SGSM1: variants seen among roughly 807,000 people sequenced by gnomAD.
SGSM1 encodes RUN and TBC1 domain containing 2.
A neutral mutation model predicts 133.8 loss-of-function variants in SGSM1; 73 were observed. That is an observed-to-expected ratio of 0.55 (90% CI 0.45 to 0.66). The LOEUF (loss-of-function observed/expected upper bound fraction) is 0.66, where lower values mean the gene tolerates loss of function less well. Ranked by LOEUF, SGSM1 falls within the 30% of genes least tolerant of loss-of-function variation. SGSM1 has a pLI of 0.00. For missense variants in SGSM1, 1,213 were observed against 1,448.1 expected, an observed-to-expected ratio of 0.84 and a Z score of 2.64; for synonymous variants, 563 against 573.0, an observed-to-expected ratio of 0.98 and a Z score of 0.25.
At chr22:24,893,646 G>A in intron 17 of SGSM1, 33 bp downstream of exon 17, 3 of 1,521,986 alleles carry the variant, frequency 2.0e-6, no homozygotes, top group East Asian at 2.3e-5. Flanking sequence ...GAGCGCGGGG[G>A]CTGGGGAAGG....
intron 9 of SGSM1, among the ~76,000 whole-genome samples, chr22:24,860,523 G>T (rs11914270): frequency 6.6e-6 from 1 of 152,048 alleles, no homozygotes. Flanking sequence ...TTTCTACAAT[G>T]AAGAATTTTT....
In SGSM1 at chr22:24,857,661, C is replaced by G. The variant is rs556488868; in HGVS notation, c.801+1981C>G. 4.6e-5 allele frequency among the ~76,000 whole-genome samples: 7 copies of G among 152,314 alleles called. No individual in the cohort carries two copies. The East Asian group carries it at 1.3e-3, about 29-fold the overall frequency. Reference sequence around the variant, plus strand: ...GTTCAGAGTTCCATCTTCCGTATCACTTTTTGACTTAGAGTCATCAGTGCC... The same window carrying G: ...GTTCAGAGTTCCATCTTCCGTATCAGTTTTTGACTTAGAGTCATCAGTGCC... On this transcript the variant is annotated intron_variant, in intron 8 of 24. Transcript: ENST00000400358.
intron 21 of SGSM1, among the ~76,000 whole-genome samples, chr22:24,905,929 G>A (rs971933058): frequency 2.0e-5 from 3 of 151,950 alleles, no homozygotes; most frequent in Admixed American, 2.0e-4. Context: ...GTGTCTCATT[G>A]GCACCCAGAT....
rs774432748 is a variant in SGSM1, at chr22:24,919,937, G to A, written c.3137G>A (p.Arg1046His). ...GCGCTGGCTCTGGTGGAAGTCTACC[G>A]TGACATCATTTTGGAGAACAACATG... Reference protein sequence around the residue: ...FIALALVEVYRDIILENNMDF... With the variant: ...FIALALVEVYHDIILENNMDF... Residue 1046 changes from arginine (R) to histidine (H), a missense_variant, in exon 24 of 25, where the codon CGT (arginine) becomes CAT (histidine). Arg to His is a conservative substitution (Grantham distance 29, BLOSUM62 0). Transcript: ENST00000400358. 13 of 1,613,726 alleles carry A rather than the reference G, an allele frequency of 8.1e-6. No individual in the cohort carries two copies. In the South Asian group the frequency reaches 1.1e-4, roughly 14 times the overall value.
intron 8 of SGSM1, chr22:24,856,118 T>C (rs568403706): frequency 4.2e-5 from 15 of 357,974 alleles, no homozygotes; most frequent in South Asian, 3.1e-4. Flanking sequence ...CCCAGGCTTC[T>C]ATCCATCTGT....
At position 24,898,063 on chromosome 22, in the gene SGSM1, A is replaced by T; in HGVS notation, c.2114A>T (p.Asn705Ile). Residue 705 changes from asparagine (N) to isoleucine (I), a missense_variant, in exon 19 of 25, where the codon AAC (asparagine) becomes ATC (isoleucine). By Grantham distance (149) the Asn-to-Ile change is moderately radical. Coordinates refer to ENST00000400358, the MANE Select transcript of SGSM1 (RefSeq NM_001098497.3). ...AAGATCCCCAATGGGAACCTAGTGA[A>T]CGGCACTTGTTCCCCAGACTCGGGT... is the stretch of plus-strand genomic sequence containing the variant. The part of the protein sequence containing the change: ...QPKIPNGNLV[N>I]GTCSPDSGHP... 2 of 1,613,936 alleles carry T rather than the reference A, an allele frequency of 1.2e-6. No individual in the cohort carries two copies. The highest frequency in any genetic ancestry group is 1.7e-6 in the Non-Finnish European group (2 of 1,179,876).
chr22:24,849,728 T>TA (rs1381725392), intron 4 of SGSM1, among the ~76,000 whole-genome samples: 1 of 152,184 alleles, frequency 6.6e-6, no homozygotes, highest in Admixed American at 6.5e-5. Context: ...CGCTGAGACT[T>TA]ACAGAGTGAG....
At position 24,806,260 on chromosome 22, in the gene SGSM1, C is replaced by T. The variant is rs1927368006; in HGVS notation, c.-66C>T. The T allele has an allele frequency of 7.3e-6, 10 of 1,373,028 alleles. No homozygotes were observed. Among genetic ancestry groups the T allele is most frequent in the Non-Finnish European group, 9.3e-6 (10 of 1,069,658 alleles). 85.1% of individuals were successfully genotyped at this position (1,373,028 alleles called of 1,614,324 possible). ...CGCGGCTGCAGCAGCAGCGCCGCGG[C>T]CGGAGGAGCTACCGCCGCCACCGCC... On this transcript the variant is annotated 5_prime_UTR_variant, in exon 1 of 25. Coordinates refer to ENST00000400358, the MANE Select transcript of SGSM1 (RefSeq NM_001098497.3).
intron 19 of SGSM1, among the ~76,000 whole-genome samples, chr22:24,900,244 ACTGGC>A (rs1189906998): frequency 6.6e-6 from 1 of 151,912 alleles, no homozygotes; most frequent in African/African-American, 2.4e-5. Flanking sequence ...CTGGTCTTGA[ACTGGC>A]CTCAAGTGAT....
chr22:24,875,124 G>T (rs1489385094), intron 12 of SGSM1, among the ~76,000 whole-genome samples: 1 of 152,100 alleles, frequency 6.6e-6, no homozygotes, highest in Non-Finnish European at 1.5e-5. Context: ...AAGAGTCAGG[G>T]TATTACCAGT....
intron 13 of SGSM1, among the ~76,000 whole-genome samples, chr22:24,878,701 G>A (rs60902328): frequency 0.016 from 2,451 of 152,236 alleles, 63 homozygotes; most frequent in African/African-American, 0.055. Flanking sequence ...TCTTTCAGCC[G>A]AAAAAGTTCC....
chr22:24,899,591 C>T (rs1601971494), intron 19 of SGSM1, among the ~76,000 whole-genome samples: 1 of 149,182 alleles, frequency 6.7e-6, no homozygotes, highest in African/African-American at 2.5e-5. Flanking sequence ...GGCGTGATCT[C>T]GGCTCACTGC....
At chr22:24,852,305 ACG>A (rs1291074843) in intron 5 of SGSM1, among the ~76,000 whole-genome samples, 1 of 152,172 alleles carries the variant, frequency 6.6e-6, no homozygotes, top group Non-Finnish European at 1.5e-5. Flanking sequence ...GAAACTTTTA[ACG>A]CATGTGTAGT....
In SGSM1 at chr22:24,895,312, C is replaced by T. The variant is rs760275380; in HGVS notation, c.2022+21C>T. On this transcript the variant is annotated intron_variant, in intron 18 of 24. Coordinates refer to ENST00000400358, the MANE Select transcript of SGSM1 (RefSeq NM_001098497.3). ...CACAGGTGACCTTGTGGAGGCCTCG[C>T]CCCCTCCCACCCACTCCTCTCCCTT... 4.0e-5 allele frequency: 64 copies of T among 1,601,786 alleles called. 1 individual carries two copies. The South Asian group carries it at 6.9e-4, about 17-fold the overall frequency.
At chr22:24,892,884 T>TG (rs1555933749) in intron 16 of SGSM1, among the ~76,000 whole-genome samples, 3 of 118,708 alleles carry the variant, frequency 2.5e-5, no homozygotes, top group African/African-American at 9.3e-5. Flanking sequence ...CCGTCTCTAC[T>TG]AAAAAAAAAA....
At chr22:24,845,940 CT>C (rs1198206756) in intron 3 of SGSM1, among the ~76,000 whole-genome samples, 185 of 130,752 alleles carry the variant, frequency 1.4e-3, no homozygotes, top group African/African-American at 4.5e-3. Context: ...CTTTTCTTTT[CT>C]TTTCTTTCTT....
chr22:24,844,999 T>C (rs769586208), intron 3 of SGSM1, 27 bp downstream of exon 3: 4 of 1,609,740 alleles, frequency 2.5e-6, no homozygotes, highest in Non-Finnish European at 3.4e-6. Context: ...GGAAAGTGGC[T>C]TCTTTCTCTG....
chr22:24,913,711 T>G (rs550707725), intron 22 of SGSM1, among the ~76,000 whole-genome samples: 2 of 152,176 alleles, frequency 1.3e-5, no homozygotes, highest in African/African-American at 4.8e-5. Context: ...CACCCCCACC[T>G]CCCCAAGAAA....
chr22:24,837,570 A>G (rs1209794601), intron 2 of SGSM1, among the ~76,000 whole-genome samples: 2 of 110,070 alleles, frequency 1.8e-5, no homozygotes, highest in Non-Finnish European at 3.5e-5. Flanking sequence ...TCCCCCGGGG[A>G]AAGGGAGACC....
Sources: gnomAD v4.1 joint callset for allele counts (sites outside exome capture counted in the v4.1 genomes callset) on GRCh38, gnomAD v4.1.1 for gene constraint, MANE v1.5 for transcripts, NCBI Gene and HGNC (gene_info 2026-07-23, HGNC 2026-07-21) for gene names.